Variants in RBFOX1 observed in about 807,000 individuals in gnomAD.
RBFOX1 encodes the protein RNA binding fox-1 homolog 1.
RBFOX1 carries 8 observed loss-of-function variants against 57.7 expected under a neutral mutation model. The observed-to-expected ratio is 0.14, with a 90% CI of 0.08 to 0.25. The LOEUF is 0.25. Among genes scored for constraint, RBFOX1 ranks in the 10% least tolerant of loss-of-function variants. RBFOX1 has a pLI of 1.00. For synonymous variants in RBFOX1, 326 were observed against 222.4 expected (o/e 1.47, Z -4.15); for missense variants, 611 against 548.5 (o/e 1.11, Z -1.14).
At position 6,138,178 on chromosome 16, in the gene RBFOX1, C is replaced by T. The variant is rs77146376; in HGVS notation, c.-127+118186C>T. On this transcript the variant is annotated intron_variant, in intron 1 of 15. Coordinates refer to ENST00000550418, the MANE Select transcript of RBFOX1 (RefSeq NM_018723.4). ...TAAATTAACAGAATATGACTTAGGG[C>T]CCATTTGATGGGTGTGCGGTCTGGG... is the stretch of plus-strand genomic sequence containing the variant. 1.1e-4 allele frequency among the ~76,000 whole-genome samples: 16 copies of T among 152,286 alleles called. No individual in the cohort carries two copies. The East Asian group carries it at 2.7e-3, about 26-fold the overall frequency.
At chr16:6,354,034 A>G (rs2086854215) in intron 2 of RBFOX1, among the ~76,000 whole-genome samples, 1 of 152,122 alleles carries the variant, frequency 6.6e-6, no homozygotes, top group Non-Finnish European at 1.5e-5. Context: ...AGCCTCACCA[A>G]TATGGTGAGA....
chr16:6,822,625 T>A (rs914917334), intron 3 of RBFOX1, among the ~76,000 whole-genome samples: 1 of 152,218 alleles, frequency 6.6e-6, no homozygotes, highest in African/African-American at 2.4e-5. Flanking sequence ...CAGATGAAGC[T>A]GCTCATAAGG....
In RBFOX1 at chr16:5,997,303, C is replaced by T. The variant is rs573515344; in HGVS notation, c.351+129968C>T. Among the ~76,000 whole-genome samples, 21 of 152,332 alleles carry T rather than the reference C, an allele frequency of 1.4e-4. No individual in the cohort carries two copies. In the South Asian group the frequency reaches 4.1e-3, roughly 30 times the overall value. Reference sequence around the variant, plus strand: ...ACAGTTAAGGAGAAGGTAAACAGCCCAGTGTGGCTGCATGGATTATTTAAT... The same window carrying T: ...ACAGTTAAGGAGAAGGTAAACAGCCTAGTGTGGCTGCATGGATTATTTAAT... On this transcript the variant is annotated intron_variant, in intron 4 of 19. Transcript: ENST00000641259.
intron 4 of RBFOX1, among the ~76,000 whole-genome samples, chr16:7,199,651 T>G (rs1350986202): frequency 6.6e-6 from 1 of 152,214 alleles, no homozygotes; most frequent in African/African-American, 2.4e-5. Flanking sequence ...CCCAGCACTT[T>G]GGCAGGCTGA....
chr16:6,660,110 A>C (rs1483024801), intron 3 of RBFOX1, among the ~76,000 whole-genome samples: 1 of 151,972 alleles, frequency 6.6e-6, no homozygotes, highest in African/African-American at 2.4e-5. Context: ...CTGTAGTCAC[A>C]GCTACTTGGG....
chr16:6,771,299 C>T (rs1021883441), intron 3 of RBFOX1, among the ~76,000 whole-genome samples: 6 of 152,122 alleles, frequency 3.9e-5, no homozygotes, highest in African/African-American at 9.7e-5. Context: ...TGCTTTGTTA[C>T]GGCAGCCCTG....
intron 4 of RBFOX1, among the ~76,000 whole-genome samples, chr16:7,287,889 A>G (rs1247078319): frequency 1.3e-5 from 2 of 152,124 alleles, no homozygotes; most frequent in African/African-American, 4.8e-5. Context: ...CTGCTTCTTA[A>G]GCTGTTTTTC....
At chr16:5,942,375 G>A (rs2059300497) in intron 4 of RBFOX1, among the ~76,000 whole-genome samples, 1 of 152,132 alleles carries the variant, frequency 6.6e-6, no homozygotes, top group Admixed American at 6.5e-5. Context: ...AGAGCTACAG[G>A]ACTAGTTGAG....
intron 4 of RBFOX1, among the ~76,000 whole-genome samples, chr16:7,177,134 C>G (rs560588991): frequency 1.3e-5 from 2 of 152,286 alleles, no homozygotes; most frequent in East Asian, 1.9e-4. Context: ...GCAAAGAACA[C>G]GACACTTTGC....
At chr16:7,436,183 AT>A (rs1825054933) in intron 4 of RBFOX1, among the ~76,000 whole-genome samples, 2 of 152,024 alleles carry the variant, frequency 1.3e-5, no homozygotes, top group Non-Finnish European at 2.9e-5. Flanking sequence ...AGGAATTTAT[AT>A]TTTTTCAGTA....
intron 1 of RBFOX1, among the ~76,000 whole-genome samples, chr16:5,363,749 C>T (rs1479867014): frequency 4.6e-5 from 7 of 152,184 alleles, no homozygotes; most frequent in South Asian, 4.1e-4. Flanking sequence ...GACTACGTGT[C>T]TGTCTTATTC....
chr16:6,298,487 C>T (rs546144931), intron 1 of RBFOX1, among the ~76,000 whole-genome samples: 1 of 152,280 alleles, frequency 6.6e-6, no homozygotes, highest in South Asian at 2.1e-4. Flanking sequence ...TATAAGTTTT[C>T]ACAATAATCA....
At chr16:7,236,105 G>C (rs181656924) in intron 4 of RBFOX1, among the ~76,000 whole-genome samples, 42 of 152,284 alleles carry the variant, frequency 2.8e-4, no homozygotes, top group Admixed American at 1.0e-3. Context: ...CAACATTTCA[G>C]AAATTAGAGT....
intron 3 of RBFOX1, among the ~76,000 whole-genome samples, chr16:6,746,406 G>C (rs989171778): frequency 1.3e-5 from 2 of 152,120 alleles, no homozygotes; most frequent in African/African-American, 2.4e-5. Context: ...GCTGGGCATG[G>C]TGGCTCACAC....
At position 5,541,050 on chromosome 16, in the gene RBFOX1, A is replaced by G. The variant is rs146067922; in HGVS notation, c.259-57852A>G. The stretch of plus-strand genomic sequence containing the variant: ...TTTCTAGTAGAGATGGGGTTTCACC[A>G]TGTTGGCCGGGCTGATCTCGAACCC... On this transcript the variant is annotated intron_variant, in intron 2 of 2. Coordinates refer to the RBFOX1 transcript ENST00000585867. 2.9e-3 allele frequency among the ~76,000 whole-genome samples: 438 copies of G among 152,104 alleles called. 4 individuals are homozygous for G. The highest frequency in any genetic ancestry group is 0.01 in the African/African-American group (421 of 41,502).
At chr16:6,421,506 C>A (rs149670462) in intron 2 of RBFOX1, among the ~76,000 whole-genome samples, 1 of 152,272 alleles carries the variant, frequency 6.6e-6, no homozygotes, top group African/African-American at 2.4e-5. Context: ...AGGAAATGTA[C>A]TTTTTAACAA....
At chr16:6,168,756 C>A (rs890740416) in intron 1 of RBFOX1, among the ~76,000 whole-genome samples, 23 of 151,736 alleles carry the variant, frequency 1.5e-4, no homozygotes, top group Admixed American at 6.6e-5. Flanking sequence ...GTGTTTAACT[C>A]TAAGAGTTCT....
intron 3 of RBFOX1, among the ~76,000 whole-genome samples, chr16:5,639,110 G>A (rs1596543688): frequency 6.6e-6 from 1 of 152,188 alleles, no homozygotes; most frequent in African/African-American, 2.4e-5. Context: ...CTCTACTCTA[G>A]AGACTAGGTT....
chr16:7,273,887 A>G (rs531561638), intron 4 of RBFOX1, among the ~76,000 whole-genome samples: 2 of 152,266 alleles, frequency 1.3e-5, no homozygotes, highest in African/African-American at 2.4e-5. Flanking sequence ...ACGTAAATGT[A>G]TTATGTAATT....
Sources: allele counts gnomAD v4.1 joint callset (sites outside exome capture counted in the v4.1 genomes callset), GRCh38; gene constraint gnomAD v4.1.1; transcripts MANE v1.5; gene names NCBI Gene and HGNC (gene_info 2026-07-23, HGNC 2026-07-21).